Variants in SHROOM2 observed in about 807,000 individuals in gnomAD.
The protein encoded by SHROOM2 is protein Shroom2.
In SHROOM2, 33 loss-of-function variants were observed where a neutral mutation model predicts 75.9. That is an observed-to-expected ratio of 0.43 (90% CI 0.33 to 0.58). The LOEUF is 0.58. Ranked by LOEUF, SHROOM2 falls within the 20% of genes least tolerant of loss-of-function variation. The pLI is 0.04. For missense variants in SHROOM2, 1,434 were observed against 1,461.2 expected (o/e 0.98, Z 0.30); for synonymous variants, 655 against 663.6 (o/e 0.99, Z 0.20).
At chrX:9,813,193 A>G (rs1257260277) in intron 1 of SHROOM2, among the ~76,000 whole-genome samples, 1 of 111,659 alleles carries the variant, frequency 9.0e-6, no homozygotes, top group African/African-American at 3.3e-5. Flanking sequence ...TTCCCACCAT[A>G]GTAGCCCTCG....
chrX:9,794,982 C>G (rs954515442), intron 1 of SHROOM2, among the ~76,000 whole-genome samples: 3 of 112,524 alleles, frequency 2.7e-5, no homozygotes, highest in African/African-American at 9.7e-5. Flanking sequence ...AGTTCTCCCA[C>G]AGCACTCTGA....
At chrX:9,823,588 T>C (rs2083871597) in intron 1 of SHROOM2, among the ~76,000 whole-genome samples, 1 of 110,820 alleles carries the variant, frequency 9.0e-6, no homozygotes, top group Admixed American at 9.7e-5. Flanking sequence ...GCATGTAAAA[T>C]TGTATAGTGT....
At chrX:9,901,236 T>C (rs2084364257) in intron 5 of SHROOM2, among the ~76,000 whole-genome samples, 1 of 111,468 alleles carries the variant, frequency 9.0e-6, no homozygotes, top group Non-Finnish European at 1.9e-5. Context: ...TGGCCCTAAT[T>C]ACCTAATTTT....
At chrX:9,823,106 TCCTTCTCCTTCTC>T (rs1555924344) in intron 1 of SHROOM2, among the ~76,000 whole-genome samples, 92 of 19,249 alleles carry the variant, frequency 4.8e-3, no homozygotes, top group Non-Finnish European at 9.3e-3. Context: ...TTCTCCCTTC[TCCTTCTCCTTCTC>T]CCTTCTCCTT....
chrX:9,812,620 A>G (rs1055332652), intron 1 of SHROOM2, among the ~76,000 whole-genome samples: 2 of 112,412 alleles, frequency 1.8e-5, no homozygotes, highest in South Asian at 3.7e-4. Context: ...TGTCTCACCA[A>G]TAAGTCCAGT....
At chrX:9,845,821 A>G (rs1478966897) in intron 1 of SHROOM2, among the ~76,000 whole-genome samples, 2 of 108,649 alleles carry the variant, frequency 1.8e-5, no homozygotes, top group African/African-American at 6.7e-5. Flanking sequence ...GAACACAGCT[A>G]TGTAACTCGC....
At chrX:9,878,251 C>A (rs940257415) in intron 2 of SHROOM2, among the ~76,000 whole-genome samples, 1 of 111,551 alleles carries the variant, frequency 9.0e-6, no homozygotes, top group African/African-American at 3.3e-5. Flanking sequence ...TCATGTGTTG[C>A]GAGTCATTTT....
At chrX:9,862,093 G>A (rs980078067) in intron 1 of SHROOM2, among the ~76,000 whole-genome samples, 1 of 112,221 alleles carries the variant, frequency 8.9e-6, no homozygotes, top group Non-Finnish European at 1.9e-5. Context: ...CACAGAGATC[G>A]TGTACATGCA....
chrX:9,787,378 T>C (rs1329181446), intron 1 of SHROOM2, among the ~76,000 whole-genome samples: 1 of 112,260 alleles, frequency 8.9e-6, no homozygotes, highest in African/African-American at 3.2e-5. Context: ...CATTGAATTT[T>C]ATTGTCTCAA....
Position 9,932,773 on chromosome X carries a change from GCCA to G in SHROOM2, c.3494_3496del (p.Thr1165del). 8.3e-7 allele frequency: 1 copy of G among 1,210,278 alleles called. No individual in the cohort carries two copies. The highest frequency in any genetic ancestry group is 1.1e-6 in the Non-Finnish European group (1 of 895,513). On this transcript the variant is annotated inframe_deletion, in exon 6 of 10. Coordinates refer to ENST00000380913, the MANE Select transcript of SHROOM2 (RefSeq NM_001649.4). ...GCAGCAGCACCTGCGCCTGCAGACG[GCCA>G]CCATGGAGACCTCGCGCTCCCCCTC...
In SHROOM2 at chrX:9,895,516, C is replaced by G; in HGVS notation, c.1608C>G (p.Tyr536Ter). 1 of 1,201,223 alleles carries G rather than the reference C, an allele frequency of 8.3e-7. No individual in the cohort carries two copies. ...ATGCCCGCGAGACAGGACGGTGTTA[C>G]CCGCTGGACAAAGGGGCCGAGGGCT... ...PPDARETGRC[Y>*]PLDKGAEGCS... Residue 536 changes from tyrosine to a stop codon, truncating the protein, a stop_gained, in exon 4 of 10, where the codon TAC (tyrosine) becomes TAG (stop). Transcript: ENST00000380913. LOFTEE classifies it high-confidence loss of function.
intron 9 of SHROOM2, among the ~76,000 whole-genome samples, chrX:9,945,174 C>A (rs2084808021): frequency 9.0e-6 from 1 of 111,180 alleles, no homozygotes; most frequent in Non-Finnish European, 1.9e-5. Flanking sequence ...GTGGTGCGAT[C>A]TCGGCTCACT....
rs1256570968 is a variant in SHROOM2, at chrX:9,838,091, T to C, written c.166-35561T>C. ...TTTTTTTTTTTTTGAGACAGAGTCT[T>C]GCTCTGTCACCCAGGCTGAAGTGCA... On this transcript the variant is annotated intron_variant, in intron 1 of 9. Coordinates refer to ENST00000380913, the MANE Select transcript of SHROOM2 (RefSeq NM_001649.4). Among the ~76,000 whole-genome samples the C allele has an allele frequency of 8.1e-5, 8 of 98,716 alleles. No individual in the cohort carries two copies. The Admixed American group carries it at 8.7e-4, about 11-fold the overall frequency. 85.7% of individuals were successfully genotyped at this position (98,716 alleles called of 115,157 possible).
At position 9,949,100 on chromosome X, in the gene SHROOM2, C is replaced by T. The variant is rs893652526; in HGVS notation, c.*2163C>T. 4.5e-6 allele frequency: 1 copy of T among 224,665 alleles called. No homozygotes were observed. The highest frequency in any genetic ancestry group is 2.9e-5 in the African/African-American group (1 of 34,634). 18.5% of individuals were successfully genotyped at this position (224,665 alleles called of 1,213,427 possible). ...ATCCTTGTAGCAAAGCACATAGAGC[C>T]AGCTGTCCTGTCAGTTCCCCTGTTT... On this transcript the variant is annotated 3_prime_UTR_variant, in exon 10 of 10. Transcript: ENST00000380913.
At chrX:9,909,038 C>G (rs1165687336) in intron 5 of SHROOM2, among the ~76,000 whole-genome samples, 1 of 111,371 alleles carries the variant, frequency 9.0e-6, no homozygotes, top group Non-Finnish European at 1.9e-5. Flanking sequence ...TTTTCTAAGG[C>G]TTTTCTCCAA....
intron 1 of SHROOM2, among the ~76,000 whole-genome samples, chrX:9,812,459 T>G (rs2083796929): frequency 8.9e-6 from 1 of 112,434 alleles, no homozygotes; most frequent in Admixed American, 9.4e-5. Flanking sequence ...TGTGCCTCTT[T>G]CTTGCTTGTA....
intron 1 of SHROOM2, among the ~76,000 whole-genome samples, chrX:9,790,969 CCT>C (rs1408717523): frequency 9.0e-6 from 1 of 110,652 alleles, no homozygotes; most frequent in Non-Finnish European, 1.9e-5. Context: ...GAGGATTCTT[CCT>C]CTCTTAGACA....
chrX:9,818,950 G>A (rs1426305548), intron 1 of SHROOM2: 4 of 580,957 alleles, frequency 6.9e-6, no homozygotes, highest in African/African-American at 6.8e-5. Flanking sequence ...ATGTGGAGGA[G>A]GGCTAATTTC....
chrX:9,792,079 T>A (rs1375987842), intron 1 of SHROOM2, among the ~76,000 whole-genome samples: 224 of 10,484 alleles, frequency 0.021, 17 homozygotes, highest in African/African-American at 0.034. Flanking sequence ...TAGAATAGAA[T>A]AGAATAGAAT....
Sources: gnomAD v4.1 joint callset for allele counts (sites outside exome capture counted in the v4.1 genomes callset) on GRCh38, gnomAD v4.1.1 for gene constraint, MANE v1.5 for transcripts, NCBI Gene and HGNC (gene_info 2026-07-23, HGNC 2026-07-21) for gene names.